The following RANBP17 variants were observed in gnomAD, a reference collection of about 807,000 sequenced individuals.
The protein encoded by RANBP17 is RAN binding protein 17.
Under a neutral mutation model 141.2 loss-of-function variants are expected in RANBP17, and 158 were observed. The ratio of observed to expected loss-of-function variants is 1.12; its 90% confidence interval spans 0.98 to 1.28. The LOEUF (loss-of-function observed/expected upper bound fraction) is 1.28, where lower values mean the gene tolerates loss of function less well. Among genes scored for constraint, RANBP17 ranks in the 50% most tolerant of loss-of-function variants. The pLI is 0.00. For missense variants in RANBP17, 1,438 were observed against 1,290.7 expected (o/e 1.11, Z -1.75); for synonymous variants, 430 against 450.0 (o/e 0.96, Z 0.56).
intron 16 of RANBP17, among the ~76,000 whole-genome samples, chr5:171,180,634 G>T (rs981610833): frequency 6.6e-6 from 1 of 152,120 alleles, no homozygotes; most frequent in Non-Finnish European, 1.5e-5. Flanking sequence ...TAACATTACA[G>T]ACCCACTTAA....
chr5:171,278,599 C>T (rs1477219985), intron 25 of RANBP17, among the ~76,000 whole-genome samples: 1 of 152,150 alleles, frequency 6.6e-6, no homozygotes, highest in Non-Finnish European at 1.5e-5. Context: ...CTGCCATATG[C>T]TCAGAGAAAT....
chr5:171,017,029 T>G (rs1355740753), intron 14 of RANBP17, among the ~76,000 whole-genome samples: 2 of 152,004 alleles, frequency 1.3e-5, no homozygotes, highest in South Asian at 2.1e-4. Flanking sequence ...CTGTGTTAGT[T>G]TGCTGGAGGA....
chr5:171,044,134 C>T (rs745777849), intron 14 of RANBP17, among the ~76,000 whole-genome samples: 8 of 151,984 alleles, frequency 5.3e-5, no homozygotes, highest in South Asian at 2.1e-4. Flanking sequence ...ATCTCCTAAA[C>T]GTGTAGAAAG....
chr5:171,023,137 G>A (rs1780992831), intron 14 of RANBP17, among the ~76,000 whole-genome samples: 1 of 152,132 alleles, frequency 6.6e-6, no homozygotes, highest in African/African-American at 2.4e-5. Context: ...TGGATACCTT[G>A]GTTGCCAGTG....
intron 14 of RANBP17, among the ~76,000 whole-genome samples, chr5:171,050,268 A>G (rs1782869885): frequency 6.6e-6 from 1 of 152,150 alleles, no homozygotes; most frequent in Non-Finnish European, 1.5e-5. Context: ...TGGATTTTTC[A>G]TGATTGTTCT....
chr5:171,266,502 G>A (rs1188500841), intron 25 of RANBP17, among the ~76,000 whole-genome samples: 3 of 152,136 alleles, frequency 2.0e-5, no homozygotes, highest in Non-Finnish European at 4.4e-5. Context: ...CATAAGAAAT[G>A]AATATTGCAA....
intron 13 of RANBP17, among the ~76,000 whole-genome samples, chr5:170,954,810 T>C (rs966706162): frequency 1.5e-4 from 23 of 152,132 alleles, no homozygotes; most frequent in Admixed American, 2.6e-4. Flanking sequence ...TTTAAAGACT[T>C]TCAATACTCA....
chr5:171,021,294 T>G (rs1442923822), intron 14 of RANBP17, among the ~76,000 whole-genome samples: 1 of 152,192 alleles, frequency 6.6e-6, no homozygotes, highest in African/African-American at 2.4e-5. Flanking sequence ...GTTCTCTGTA[T>G]TTCCTGAATT....
chr5:170,896,278 A>G (rs1214210654), intron 5 of RANBP17, 163 bp downstream of exon 5: 3 of 576,548 alleles, frequency 5.2e-6, no homozygotes, highest in Middle Eastern at 3.1e-4. Flanking sequence ...TGGGCTAATT[A>G]AGTGGTGGAA....
At chr5:170,894,486 T>TATATATATATATA (rs376342999) in intron 4 of RANBP17, among the ~76,000 whole-genome samples, 5,428 of 132,988 alleles carry the variant, frequency 0.041, 319 homozygotes, top group African/African-American at 0.059. Flanking sequence ...TACGTGTTTT[T>TATATATATATATA]TATATATATA....
At chr5:171,224,922 T>G (rs1763801579) in intron 22 of RANBP17, among the ~76,000 whole-genome samples, 1 of 152,238 alleles carries the variant, frequency 6.6e-6, no homozygotes, top group Admixed American at 6.5e-5. Flanking sequence ...TAATATGACC[T>G]TGGTTAAGTT....
chr5:170,967,468 G>A (rs17073185), intron 13 of RANBP17, among the ~76,000 whole-genome samples: 7 of 151,658 alleles, frequency 4.6e-5, no homozygotes, highest in East Asian at 1.9e-4. Flanking sequence ...GGTACTTGGC[G>A]GTCATCCACC....
At chr5:171,278,161 G>A (rs752888958) in intron 25 of RANBP17, among the ~76,000 whole-genome samples, 2 of 151,762 alleles carry the variant, frequency 1.3e-5, no homozygotes, top group African/African-American at 2.4e-5. Context: ...GAAGCAGGAG[G>A]ATTGCTTGAG....
chr5:171,244,658 G>T (rs1425759801), intron 24 of RANBP17, among the ~76,000 whole-genome samples: 1 of 152,022 alleles, frequency 6.6e-6, no homozygotes, highest in Non-Finnish European at 1.5e-5. Context: ...TGTTGGCCAG[G>T]CTGGTCTTGA....
intron 20 of RANBP17, among the ~76,000 whole-genome samples, chr5:171,211,001 CAAAAAAAA>C (rs949233363): frequency 5.3e-5 from 4 of 75,392 alleles, no homozygotes; most frequent in African/African-American, 1.9e-4. Context: ...AAGACCCCGT[CAAAAAAAA>C]AAAAAAAAAA....
intron 11 of RANBP17, among the ~76,000 whole-genome samples, chr5:170,921,332 G>A (rs1368452946): frequency 2.6e-5 from 4 of 152,046 alleles, no homozygotes; most frequent in African/African-American, 9.7e-5. Context: ...TCCCAGCACT[G>A]TTTATTAAAT....
intron 4 of RANBP17, among the ~76,000 whole-genome samples, chr5:170,893,028 A>G (rs1209622143): frequency 6.6e-6 from 1 of 152,094 alleles, no homozygotes; most frequent in Non-Finnish European, 1.5e-5. Flanking sequence ...TTAATTTTTT[A>G]ATTTTTACAC....
intron 14 of RANBP17, among the ~76,000 whole-genome samples, chr5:171,041,519 G>A (rs1782247947): frequency 6.6e-6 from 1 of 151,958 alleles, no homozygotes; most frequent in Non-Finnish European, 1.5e-5. Context: ...GTCCTTTTAG[G>A]CAATTTTGTT....
chr5:171,216,595 G>A (rs1763237243), intron 21 of RANBP17, among the ~76,000 whole-genome samples: 1 of 151,974 alleles, frequency 6.6e-6, no homozygotes, highest in Admixed American at 6.6e-5. Flanking sequence ...TTGAGTACTG[G>A]TTTGTAGTTC....
Sources: gnomAD v4.1 joint callset for allele counts (sites outside exome capture counted in the v4.1 genomes callset) on GRCh38, gnomAD v4.1.1 for gene constraint, MANE v1.5 for transcripts, NCBI Gene and HGNC (gene_info 2026-07-23, HGNC 2026-07-21) for gene names.